The following IPCEF1 variants were observed in gnomAD, a reference collection of about 807,000 sequenced individuals.
IPCEF1 encodes interaction protein for cytohesin exchange factors 1.
A neutral mutation model predicts 50.9 loss-of-function variants in IPCEF1; 31 were observed. The observed-to-expected ratio is 0.61, with a 90% CI of 0.46 to 0.82. The LOEUF is 0.82. Ranked by LOEUF, IPCEF1 falls within the 40% of genes least tolerant of loss-of-function variation. The probability of loss-of-function intolerance (pLI) is 0.00; values close to 1 mark genes in which losing one functional copy is unlikely to be tolerated. For synonymous variants in IPCEF1, 181 were observed against 192.0 expected (o/e 0.94, Z 0.47); for missense variants, 458 against 514.0 (o/e 0.89, Z 1.05).
At chr6:154,239,786 C>T (rs932338509) in intron 5 of IPCEF1, among the ~76,000 whole-genome samples, 1 of 152,190 alleles carries the variant, frequency 6.6e-6, no homozygotes, top group East Asian at 1.9e-4. Context: ...TAACTGCAAC[C>T]TCCGCCTCCC....
intron 2 of IPCEF1, among the ~76,000 whole-genome samples, chr6:154,286,938 G>C (rs1316647041): frequency 1.3e-5 from 2 of 152,292 alleles, no homozygotes; most frequent in African/African-American, 4.8e-5. Context: ...GGAGGGGCCT[G>C]GTGGGAGGTG....
Position 154,221,291 on chromosome 6 carries a change from A to G in IPCEF1, c.358T>C (p.Tyr120His), listed in dbSNP as rs920388495. 1 of 1,613,976 alleles carries G rather than the reference A, an allele frequency of 6.2e-7. No individual in the cohort carries two copies. Among genetic ancestry groups the G allele is most frequent in the Non-Finnish European group, 8.5e-7 (1 of 1,179,920 alleles). Reference protein sequence around the residue: ...KISHPQIKTFYFAAENVQEMN... With the variant: ...KISHPQIKTFHFAAENVQEMN... ...TCCTGCACATTCTCAGCTGCAAAAT[A>G]AAAGGTCTTGATCTGTGGATGGCTG... Residue 120 changes from tyrosine (Y) to histidine (H), a missense_variant, in exon 7 of 12, where the codon TAT becomes CAT. Coordinates refer to ENST00000367220, the MANE Select transcript of IPCEF1 (RefSeq NM_001130700.2).
intron 10 of IPCEF1, among the ~76,000 whole-genome samples, chr6:154,170,242 T>A (rs1799765596): frequency 6.6e-6 from 1 of 151,974 alleles, no homozygotes; most frequent in Admixed American, 6.5e-5. Flanking sequence ...CACCACATAC[T>A]CCTTAATGTT....
chr6:154,340,432 A>G (rs941827190), intron 1 of IPCEF1, among the ~76,000 whole-genome samples: 17 of 151,068 alleles, frequency 1.1e-4, no homozygotes, highest in African/African-American at 3.4e-4. Context: ...TTGTGTTTTT[A>G]GTAGAGACAG....
At chr6:154,280,638 AG>A (rs1406648208) in intron 2 of IPCEF1, among the ~76,000 whole-genome samples, 1 of 152,232 alleles carries the variant, frequency 6.6e-6, no homozygotes, top group African/African-American at 2.4e-5. Context: ...CATAGTGTTT[AG>A]GGAAGTGTAC....
At chr6:154,281,928 C>A (rs1351280332) in intron 2 of IPCEF1, among the ~76,000 whole-genome samples, 1 of 152,138 alleles carries the variant, frequency 6.6e-6, no homozygotes, top group Admixed American at 6.5e-5. Flanking sequence ...AACCTGAACC[C>A]AGAAGGTAGA....
Position 154,171,861 on chromosome 6 carries a change from A to T in IPCEF1, c.911-3748T>A, listed in dbSNP as rs537308594. ...AATTTTACATGTCCTTTTACTTTTT[A>T]AAAAAATACAGCTAACAAGGTAGAA... On this transcript the variant is annotated intron_variant, in intron 10 of 11. Coordinates refer to ENST00000367220, the MANE Select transcript of IPCEF1 (RefSeq NM_001130700.2). Among the ~76,000 whole-genome samples, 12 of 152,308 alleles carry T rather than the reference A, an allele frequency of 7.9e-5. No individual in the cohort carries two copies. The South Asian group carries it at 1.5e-3, about 18-fold the overall frequency.
chr6:154,288,481 G>A (rs997463795), intron 2 of IPCEF1, among the ~76,000 whole-genome samples: 24 of 151,416 alleles, frequency 1.6e-4, no homozygotes, highest in African/African-American at 5.8e-4. Context: ...GGCCAACATG[G>A]TGAAACCCCT....
At chr6:154,195,645 C>T (rs1776555440) in intron 10 of IPCEF1, among the ~76,000 whole-genome samples, 1 of 152,142 alleles carries the variant, frequency 6.6e-6, no homozygotes, top group Non-Finnish European at 1.5e-5. Flanking sequence ...GGTCCCTGCT[C>T]TCTTTTAAAC....
intron 1 of IPCEF1, among the ~76,000 whole-genome samples, chr6:154,321,589 C>T (rs557626319): frequency 6.6e-6 from 1 of 151,844 alleles, no homozygotes; most frequent in East Asian, 1.9e-4. Context: ...ACTAGCCTGG[C>T]CAAAATGGTG....
chr6:154,292,892 C>T (rs1782548283), intron 1 of IPCEF1, among the ~76,000 whole-genome samples: 1 of 152,150 alleles, frequency 6.6e-6, no homozygotes, highest in African/African-American at 2.4e-5. Flanking sequence ...TTTGCCTTTG[C>T]TTTGGTGCAA....
chr6:154,160,983 C>T (rs969881912), intron 11 of IPCEF1, among the ~76,000 whole-genome samples: 1 of 152,158 alleles, frequency 6.6e-6, no homozygotes, highest in Non-Finnish European at 1.5e-5. Context: ...ACCCAAGGCT[C>T]CTCACCTGCA....
rs1217229082 is a variant in IPCEF1, at chr6:154,273,755, T to C, written c.-17-7791A>G. On this transcript the variant is annotated intron_variant, in intron 2 of 11. Transcript: ENST00000367220. ...TTTTTTTTTTTTTTTTTTTTTTTTT[T>C]TTTTTTTTTTTTTTTTGAGGCAGAG... 4.6e-4 allele frequency among the ~76,000 whole-genome samples: 23 copies of C among 50,248 alleles called. 1 individual carries two copies. Among genetic ancestry groups the C allele is most frequent in the East Asian group, 4.5e-3 (3 of 664 alleles). 33.0% of individuals were successfully genotyped at this position (50,248 alleles called of 152,430 possible).
At chr6:154,207,462 T>C (rs1777594768) in intron 9 of IPCEF1, among the ~76,000 whole-genome samples, 1 of 152,260 alleles carries the variant, frequency 6.6e-6, no homozygotes, top group Non-Finnish European at 1.5e-5. Flanking sequence ...AATAATCAAA[T>C]GACTTTGGTA....
intron 3 of IPCEF1, among the ~76,000 whole-genome samples, chr6:154,251,621 T>C (rs1330563077): frequency 4.6e-5 from 7 of 151,866 alleles, no homozygotes; most frequent in African/African-American, 9.7e-5. Context: ...AAAGTGAAAA[T>C]AGGTATTTCA....
At chr6:154,351,792 C>A (rs1784123843) in intron 1 of IPCEF1, among the ~76,000 whole-genome samples, 1 of 152,254 alleles carries the variant, frequency 6.6e-6, no homozygotes, top group South Asian at 2.1e-4. Flanking sequence ...TAAGAAGTGG[C>A]TTAAATAGCA....
intron 5 of IPCEF1, among the ~76,000 whole-genome samples, chr6:154,244,032 C>T (rs1326985672): frequency 5.9e-5 from 9 of 151,476 alleles, no homozygotes; most frequent in Non-Finnish European, 7.4e-5. Flanking sequence ...AGTGTAGGGA[C>T]GGGGCTGGTT....
Position 154,213,846 on chromosome 6 carries a change from A to C in IPCEF1, c.451+372T>G, listed in dbSNP as rs528669099. ...GTACACACCTGGTGGAAATATTAAA[A>C]TATCAGGGAGGAAATAGTGGGATGA... On this transcript the variant is annotated intron_variant, in intron 8 of 11. Transcript: ENST00000367220. Among the ~76,000 whole-genome samples, 22 of 152,334 alleles carry C rather than the reference A, an allele frequency of 1.4e-4. 2 individuals carry two copies. Among genetic ancestry groups the C allele is most frequent in the South Asian group, 6.2e-4 (3 of 4,828 alleles).
intron 1 of IPCEF1, among the ~76,000 whole-genome samples, chr6:154,330,325 CTTTTTTTTTTTTTTT>C (rs138406253): frequency 3.0e-3 from 272 of 89,266 alleles, no homozygotes; most frequent in African/African-American, 0.011. Flanking sequence ...ATTATAGCCT[CTTTTTTTTTTTTTTT>C]TTTTTTTTTT....
Sources: gnomAD v4.1 joint callset for allele counts (sites outside exome capture counted in the v4.1 genomes callset) on GRCh38, gnomAD v4.1.1 for gene constraint, MANE v1.5 for transcripts, NCBI Gene and HGNC (gene_info 2026-07-23, HGNC 2026-07-21) for gene names.